Variants in PLD1 observed in about 807,000 individuals in gnomAD.
PLD1 encodes the protein choline phosphatase 1.
In PLD1, 112 loss-of-function variants were observed where a neutral mutation model predicts 137.1. The observed-to-expected ratio is 0.82, with a 90% CI of 0.70 to 0.96. PLD1 has a LOEUF of 0.96. PLD1 is among the 40% of genes least tolerant of loss of function. The probability of loss-of-function intolerance (pLI) is 0.00; values close to 1 mark genes in which losing one functional copy is unlikely to be tolerated. For missense variants in PLD1, 1,321 were observed against 1,342.0 expected (o/e 0.98, Z 0.24); for synonymous variants, 431 against 454.7 (o/e 0.95, Z 0.66).
At chr3:171,676,965 G>A in intron 17 of PLD1, 132 bp from the exon 18 acceptor site, 1 of 608,324 alleles carries the variant, frequency 1.6e-6, no homozygotes, top group South Asian at 2.0e-5. Context: ...GGCTTGCATA[G>A]AACAACATTT....
intron 1 of PLD1, among the ~76,000 whole-genome samples, chr3:171,761,176 C>CA (rs2108307550): frequency 6.6e-6 from 1 of 152,300 alleles, no homozygotes; most frequent in Admixed American, 6.5e-5. Flanking sequence ...AACATCACAG[C>CA]AGGGCTACTT....
At chr3:171,639,618 T>G (rs1454548534) in intron 23 of PLD1, among the ~76,000 whole-genome samples, 6 of 70,774 alleles carry the variant, frequency 8.5e-5, no homozygotes, top group Admixed American at 5.6e-4. Flanking sequence ...ATATTATATA[T>G]AATATATATT....
chr3:171,643,739 G>A (rs1207573951), intron 22 of PLD1, among the ~76,000 whole-genome samples: 1 of 106,956 alleles, frequency 9.3e-6, no homozygotes, highest in African/African-American at 4.8e-5. Flanking sequence ...TTAAATACTT[G>A]AAAAGCTTTA....
intron 11 of PLD1, among the ~76,000 whole-genome samples, chr3:171,700,982 G>A: frequency 6.6e-6 from 1 of 152,246 alleles, no homozygotes; most frequent in Non-Finnish European, 1.5e-5. Context: ...AGCAGAGGTA[G>A]ACTATGTCAG....
rs542003109 is a variant in PLD1, at chr3:171,775,703, C to T, written c.-32+34696G>A. ...ACTAAAAATACAAAAATTAGCCGGG[C>T]GTGGTGGCACACATCTGTAATCCCA... is the stretch of plus-strand genomic sequence containing the variant. On this transcript the variant is annotated intron_variant, in intron 1 of 26. Transcript: ENST00000351298. 1.8e-4 allele frequency among the ~76,000 whole-genome samples: 28 copies of T among 152,088 alleles called. No homozygotes were observed. The East Asian group carries it at 3.9e-3, about 21-fold the overall frequency.
chr3:171,706,140 A>ATCTATCTATCTATCTATCTATCTG (rs1716672814), intron 11 of PLD1, among the ~76,000 whole-genome samples: 3 of 151,860 alleles, frequency 2.0e-5, no homozygotes, highest in African/African-American at 7.3e-5. Context: ...CTATCTATCT[A>ATCTATCTATCTATCTATCTATCTG]TCTATCTATC....
intron 15 of PLD1, 117 bp downstream of exon 15, chr3:171,687,254 A>C: frequency 1.2e-6 from 1 of 808,072 alleles, no homozygotes; most frequent in Non-Finnish European, 2.0e-6. Flanking sequence ...GCGACCTCTC[A>C]ACATTGCTCA....
At chr3:171,711,777 A>G (rs1315071957) in intron 9 of PLD1, among the ~76,000 whole-genome samples, 2 of 149,928 alleles carry the variant, frequency 1.3e-5, no homozygotes, top group African/African-American at 2.5e-5. Flanking sequence ...TCTGTCACTC[A>G]TAACTAAACT....
chr3:171,719,738 G>T (rs896757071), intron 8 of PLD1, among the ~76,000 whole-genome samples: 1 of 152,160 alleles, frequency 6.6e-6, no homozygotes, highest in Non-Finnish European at 1.5e-5. Context: ...ACGACCAGGT[G>T]CAGAGAAGTT....
intron 21 of PLD1, among the ~76,000 whole-genome samples, chr3:171,655,549 G>A (rs1264120068): frequency 6.6e-6 from 1 of 151,960 alleles, no homozygotes; most frequent in Non-Finnish European, 1.5e-5. Flanking sequence ...TGTAAAGACA[G>A]GTGGTCTCAA....
chr3:171,739,419 A>G (rs796619071), intron 1 of PLD1, among the ~76,000 whole-genome samples: 17 of 152,286 alleles, frequency 1.1e-4, no homozygotes, highest in African/African-American at 4.1e-4. Flanking sequence ...AAATTCATAT[A>G]TCTAAGTTCC....
At chr3:171,774,555 T>C (rs987740847) in intron 1 of PLD1, among the ~76,000 whole-genome samples, 1 of 152,196 alleles carries the variant, frequency 6.6e-6, no homozygotes, top group Non-Finnish European at 1.5e-5. Flanking sequence ...ATATGCATGT[T>C]GAAAAGGTAA....
At chr3:171,713,736 T>G in intron 9 of PLD1, 157 bp downstream of exon 9, 1 of 628,568 alleles carries the variant, frequency 1.6e-6, no homozygotes, top group Non-Finnish European at 2.8e-6. Context: ...TTAAAATATA[T>G]ACAAGGAAAA....
intron 16 of PLD1, among the ~76,000 whole-genome samples, chr3:171,682,360 T>C (rs555760164): frequency 1.8e-4 from 28 of 152,326 alleles, no homozygotes; most frequent in African/African-American, 6.0e-4. Flanking sequence ...TAAAAACCCA[T>C]AGTGATGTTC....
intron 6 of PLD1, among the ~76,000 whole-genome samples, chr3:171,732,256 G>A (rs549261212): frequency 1.0e-3 from 159 of 152,152 alleles, no homozygotes; most frequent in Non-Finnish European, 1.5e-3. Flanking sequence ...AGTCCTAGAA[G>A]AAAAGAAACC....
intron 6 of PLD1, 122 bp from the exon 7 acceptor site, chr3:171,726,198 A>T: frequency 1.5e-6 from 1 of 658,020 alleles, no homozygotes; most frequent in Non-Finnish European, 2.7e-6. Flanking sequence ...GACTACACAG[A>T]TCAATAATAA....
chr3:171,697,481 A>G (rs1715855064), intron 12 of PLD1, among the ~76,000 whole-genome samples: 1 of 151,304 alleles, frequency 6.6e-6, no homozygotes, highest in Non-Finnish European at 1.5e-5. Context: ...GCTTCCCCAC[A>G]CCGCCCTGCC....
chr3:171,604,317 TAAAAAAA>T (rs113679565), intron 26 of PLD1, among the ~76,000 whole-genome samples: 1 of 118,600 alleles, frequency 8.4e-6, no homozygotes, highest in African/African-American at 3.0e-5. Context: ...CCATGTCAAT[TAAAAAAA>T]AAAAAAAAAG....
intron 13 of PLD1, among the ~76,000 whole-genome samples, chr3:171,691,460 T>C (rs1221032212): frequency 2.0e-5 from 3 of 152,198 alleles, no homozygotes; most frequent in Non-Finnish European, 4.4e-5. Flanking sequence ...TCTCATTTCT[T>C]TTTGTTAAAT....
Sources: allele counts gnomAD v4.1 joint callset (sites outside exome capture counted in the v4.1 genomes callset), GRCh38; gene constraint gnomAD v4.1.1; transcripts MANE v1.5; gene names NCBI Gene and HGNC (gene_info 2026-07-23, HGNC 2026-07-21).